KAT2A: variants seen among roughly 807,000 people sequenced by gnomAD.
KAT2A encodes lysine acetyltransferase 2A.
KAT2A carries 42 observed loss-of-function variants against 95.2 expected under a neutral mutation model. The observed-to-expected ratio is 0.44, with a 90% CI of 0.34 to 0.57. The LOEUF is 0.57. KAT2A is among the 20% of genes least tolerant of loss of function. KAT2A has a pLI of 0.01. For missense variants in KAT2A, 784 were observed against 1,126.3 expected (o/e 0.70, Z 4.35); for synonymous variants, 449 against 448.2 (o/e 1.00, Z -0.02).
chr17:42,114,937 G>C lies in KAT2A; in HGVS notation c.1974C>G (p.Arg658=). 1 of 1,614,058 alleles carries C rather than the reference G, an allele frequency of 6.2e-7. No individual in the cohort carries two copies. Among genetic ancestry groups the C allele is most frequent in the Non-Finnish European group, 8.5e-7 (1 of 1,179,948 alleles). The stretch of plus-strand genomic sequence containing the variant: ...TGTGGGACAGCTCCGTGTAGGGGAT[G>C]CGGGGATTCAGCTCACACTCCATCA... The part of the protein sequence containing the change: ...ATLMECELNP[R]IPYTELSHII... The change falls in exon 13 of 18, where the codon CGC becomes CGG. Residue 658 remains arginine (R), a synonymous_variant. Coordinates refer to ENST00000225916, the MANE Select transcript of KAT2A (RefSeq NM_021078.3). The surrounding 1 kb of genome is among the most constrained non-coding windows in gnomAD (Gnocchi z 6.0).
chr17:42,120,563 C>G lies in KAT2A; in HGVS notation c.463+143G>C, dbSNP rs146483436. The G allele has an allele frequency of 7.1e-3, 8,970 of 1,256,560 alleles. 101 individuals carry two copies. Among genetic ancestry groups the G allele is most frequent in the Middle Eastern group, 0.032 (155 of 4,844 alleles). The allele number at this position is 1,256,560 out of a possible 1,614,324, so 77.8% of individuals were successfully genotyped here. A position where few individuals can be genotyped will look rare whatever the true frequency, so the allele number is the denominator to read the frequency against. On this transcript the variant is annotated intron_variant, in intron 2 of 17. Coordinates refer to ENST00000225916, the MANE Select transcript of KAT2A (RefSeq NM_021078.3). ...GGGCTGAGAGATTTCCTTTCTCCCC[C>G]CTTGGTGCACACCCCCCCCCAACCC...
In KAT2A at chr17:42,117,298, A is replaced by T. The variant is rs567051187; in HGVS notation, c.1637+90T>A. On this transcript the variant is annotated intron_variant, in intron 10 of 17. Coordinates refer to ENST00000225916, the MANE Select transcript of KAT2A (RefSeq NM_021078.3). This position sits in a 1 kb window ranked among gnomAD's most constrained non-coding sequence, Gnocchi z 8.9. ...AGGATGAACCTCAGAAGTGGGGAGC[A>T]GGGGATCCCCAATTTTGAGGAGTGA... is the stretch of plus-strand genomic sequence containing the variant. The T allele has an allele frequency of 2.0e-6, 3 of 1,523,880 alleles. No homozygotes were observed. The East Asian group carries it at 6.8e-5, about 34-fold the overall frequency. 94.4% of individuals were successfully genotyped at this position (1,523,880 alleles called of 1,614,324 possible).
intron 6 of KAT2A, among the ~76,000 whole-genome samples, chr17:42,118,892 C>T (rs1442699935): frequency 2.6e-5 from 4 of 152,194 alleles, no homozygotes; most frequent in East Asian, 3.8e-4. Context: ...AAGACCAGAA[C>T]AGGAGTAGAA....
In KAT2A at chr17:42,117,880, G is replaced by T; in HGVS notation, c.1291+27C>A. ...AAGGTTTGGGAAGGAGTGAATGAGG[G>T]TCAGAGGTCAGGGGTCAAGTATCCA... On this transcript the variant is annotated intron_variant, in intron 8 of 17. Coordinates refer to ENST00000225916, the MANE Select transcript of KAT2A (RefSeq NM_021078.3). This position sits in a 1 kb window ranked among gnomAD's most constrained non-coding sequence, Gnocchi z 8.9. 6.2e-7 allele frequency: 1 copy of T among 1,601,736 alleles called. No homozygotes were observed. The highest frequency in any genetic ancestry group is 8.5e-7 in the Non-Finnish European group (1 of 1,171,342).
At chr17:42,116,993 G>A (rs374446311) in intron 11 of KAT2A, 42 bp downstream of exon 11, 5 of 1,610,160 alleles carry the variant, frequency 3.1e-6, no homozygotes, top group South Asian at 1.1e-5. Flanking sequence ...AAACTCAGGA[G>A]TGGGCCGTGG....
rs781796429 is a variant in KAT2A at position 42,119,389 on chromosome 17, C to T, written c.929G>A (p.Arg310His). 16 of 1,613,638 alleles carry T rather than the reference C, an allele frequency of 9.9e-6. No individual in the cohort carries two copies. The highest frequency in any genetic ancestry group is 3.3e-5 in the Admixed American group (2 of 59,954). The change falls in exon 6 of 18, where the codon CGC becomes CAC. Residue 310 changes from arginine to histidine, a missense_variant. Arg to His is a conservative substitution (Grantham distance 29, BLOSUM62 0). Coordinates refer to ENST00000225916, the MANE Select transcript of KAT2A (RefSeq NM_021078.3). This position sits in a 1 kb window ranked among gnomAD's most constrained non-coding sequence, Gnocchi z 5.3. The part of the protein sequence containing the change: ...HVPQSCDSLP[R>H]YETTHVFGRS... ...CCCAAAGACATGAGTGGTTTCGTAGCGGGGGAGGCTATCACAGCTCTGGGG... is the reference window on the plus strand; with the variant it reads ...CCCAAAGACATGAGTGGTTTCGTAGTGGGGGAGGCTATCACAGCTCTGGGG...
chr17:42,118,545 T>G, intron 6 of KAT2A, 142 bp from the exon 7 acceptor site: 1 of 629,878 alleles, frequency 1.6e-6, no homozygotes. Flanking sequence ...AGCCCCTGTC[T>G]TCTGGGAGCC....
At position 42,121,311 on chromosome 17, in the gene KAT2A, C is replaced by G; in HGVS notation, c.-7G>C. 2 of 1,367,304 alleles carry G rather than the reference C, an allele frequency of 1.5e-6. No homozygotes were observed. The highest frequency in any genetic ancestry group is 1.9e-6 in the Non-Finnish European group (2 of 1,067,964). 84.7% of individuals were successfully genotyped at this position (1,367,304 alleles called of 1,614,324 possible). A position where few individuals can be genotyped will look rare whatever the true frequency, so the allele number is the denominator to read the frequency against. On this transcript the variant is annotated 5_prime_UTR_variant, in exon 1 of 18. Transcript: ENST00000225916. ...CCTGGGAAGGTTCCGCCATGGCCTC[C>G]CCCGCAGCGGAGAGCGGCGCCGCGC...
chr17:42,114,602 G>C lies in KAT2A; in HGVS notation c.2022C>G (p.Ile674Met). 1 of 1,612,916 alleles carries C rather than the reference G, an allele frequency of 6.2e-7. No homozygotes were observed. The highest frequency in any genetic ancestry group is 8.5e-7 in the Non-Finnish European group (1 of 1,179,508). Residue 674 changes from isoleucine (I) to methionine (M), a missense_variant and splice_region_variant, in exon 14 of 18, where the codon ATC (isoleucine) becomes ATG (methionine). Physicochemically the swap from Ile to Met is conservative, Grantham distance 10 (BLOSUM62 1). Coordinates refer to ENST00000225916, the MANE Select transcript of KAT2A (RefSeq NM_021078.3). This position sits in a 1 kb window ranked among gnomAD's most constrained non-coding sequence, Gnocchi z 6.0. Reference protein sequence around the residue: ...LSHIIKKQKEIIKKLIERKQA... With the variant: ...LSHIIKKQKEMIKKLIERKQA... ...GTTTGCGCTCAATCAGCTTCTTGAT[G>C]ATCTGAGGGAAGGAAGGGACTGAGG...
chr17:42,113,893 A>C (rs1555665300), intron 17 of KAT2A, 51 bp from the exon 18 acceptor site: 2 of 1,508,276 alleles, frequency 1.3e-6, no homozygotes, highest in Admixed American at 2.5e-5. Flanking sequence ...AGACCACGGC[A>C]GGGCTGTCCA....
At position 42,121,059 on chromosome 17, in the gene KAT2A, G is replaced by A. The variant is rs1555667222; in HGVS notation, c.246C>T (p.Ser82=). The A allele has an allele frequency of 6.3e-7, 1 of 1,580,428 alleles. No individual in the cohort carries two copies. The highest frequency in any genetic ancestry group is 8.6e-7 in the Non-Finnish European group (1 of 1,165,710). Residue 82 remains serine, a synonymous_variant, in exon 1 of 18, where the codon AGC becomes AGT. Coordinates refer to ENST00000225916, the MANE Select transcript of KAT2A (RefSeq NM_021078.3). ...SGGDPARPGL[S]QQQRASQRKA... ...TCCTCTGACTGGCGCGCTGCTGCTG[G>A]CTCAGGCCAGGTCGAGCCGGATCCC... is the stretch of plus-strand genomic sequence containing the variant.
chr17:42,117,480 C>T lies in KAT2A; in HGVS notation c.1545G>A (p.Arg515=). The change falls in exon 10 of 18, where the codon CGG becomes CGA. Residue 515 remains arginine (R), a synonymous_variant. Transcript: ENST00000225916. The surrounding 1 kb of genome is among the most constrained non-coding windows in gnomAD (Gnocchi z 8.9). ...GCAGCCCCACGAGCCACAGCAACACCCGCCGGTTGGCCTTGGGCGTCAGTG... is the reference window on the plus strand; with the variant it reads ...GCAGCCCCACGAGCCACAGCAACACTCGCCGGTTGGCCTTGGGCGTCAGTG... The part of the protein sequence containing the change: ...GNSLTPKANR[R]VLLWLVGLQN... The T allele has an allele frequency of 6.2e-7, 1 of 1,613,740 alleles. No homozygotes were observed. The highest frequency in any genetic ancestry group is 1.1e-5 in the South Asian group (1 of 91,086).
At position 42,120,735 on chromosome 17, in the gene KAT2A, T is replaced by C; in HGVS notation, c.434A>G (p.Glu145Gly). 6.2e-7 allele frequency: 1 copy of C among 1,614,084 alleles called. No individual in the cohort carries two copies. The change falls in exon 2 of 18, where the codon GAG becomes GGG. Residue 145 changes from glutamate (E) to glycine (G), a missense_variant. Around this residue, in one of 6 missense-constraint regions of KAT2A, gnomAD observed 208 missense variants for 339.7 expected, o/e 0.61. Transcript: ENST00000225916. ...GGGGTGCTCACAACTGCGGCACAGC[T>C]CACTCAGGTTGGCAGCTGGCTGCTG... ...DLQQPAANLSELCRSCEHPLA... is the reference protein window; with the variant it reads ...DLQQPAANLSGLCRSCEHPLA...
rs2054228731 is a variant in KAT2A at position 42,114,661 on chromosome 17, G to C, written c.2020-57C>G. The C allele has an allele frequency of 6.7e-7, 1 of 1,496,218 alleles. No homozygotes were observed. Among genetic ancestry groups the C allele is most frequent in the African/African-American group, 1.4e-5 (1 of 72,582 alleles). The allele number at this position is 1,496,218 out of a possible 1,614,324, so 92.7% of individuals were successfully genotyped here. On this transcript the variant is annotated intron_variant, in intron 13 of 17. Transcript: ENST00000225916. This position sits in a 1 kb window ranked among gnomAD's most constrained non-coding sequence, Gnocchi z 6.0. ...CCAGCCCCAACAACAACCCCTCCCA[G>C]GGCCACAGTCGGAGCCACTGGCTGC...
rs782067301 is a variant in KAT2A, at chr17:42,117,928, C to T, written c.1270G>A (p.Ala424Thr). 6.2e-7 allele frequency: 1 copy of T among 1,605,884 alleles called. No homozygotes were observed. The highest frequency in any genetic ancestry group is 8.5e-7 in the Non-Finnish European group (1 of 1,174,862). Reference protein sequence around the residue: ...GSNSSLSLDSAGAEPMPGEKR... With the variant: ...GSNSSLSLDSTGAEPMPGEKR... Reference sequence around the variant, plus strand: ...CCACCTGGCATAGGCTCGGCCCCTGCAGAATCCAGACTCAGGGAGCTGTTG... The same window carrying T: ...CCACCTGGCATAGGCTCGGCCCCTGTAGAATCCAGACTCAGGGAGCTGTTG... Residue 424 changes from alanine (A) to threonine (T), a missense_variant, in exon 8 of 18, where the codon GCA becomes ACA. This residue lies in a region of KAT2A where 174 missense variants were observed against 324.9 expected (regional missense o/e 0.54). Coordinates refer to ENST00000225916, the MANE Select transcript of KAT2A (RefSeq NM_021078.3). The surrounding 1 kb of genome is among the most constrained non-coding windows in gnomAD (Gnocchi z 8.9).
At chr17:42,115,176 GTT>G in intron 12 of KAT2A, 141 bp from the exon 13 acceptor site, 1 of 864,242 alleles carries the variant, frequency 1.2e-6, no homozygotes, top group East Asian at 2.5e-5. Flanking sequence ...CACTGTGAGG[GTT>G]CAAACTGTCC....
Position 42,120,975 on chromosome 17 carries a change from C to T in KAT2A, c.330G>A (p.Ser110=), listed in dbSNP as rs1555667191. 2 of 1,584,420 alleles carry T rather than the reference C, an allele frequency of 1.3e-6. No homozygotes were observed. Among genetic ancestry groups the T allele is most frequent in the Non-Finnish European group, 1.7e-6 (2 of 1,166,514 alleles). The change falls in exon 1 of 18, where the codon TCG becomes TCA. Residue 110 remains serine, a synonymous_variant. Transcript: ENST00000225916. ...AKKLEKLGVF[S]ACKANETCKC... ...CAGGCCCCGCCCCCACCTTGCAAGCCGAGAAGACCCCTAGCTTCTCAAGCT... is the reference window on the plus strand; with the variant it reads ...CAGGCCCCGCCCCCACCTTGCAAGCTGAGAAGACCCCTAGCTTCTCAAGCT...
At position 42,119,280 on chromosome 17, in the gene KAT2A, G is replaced by A. The variant is rs369861907; in HGVS notation, c.1038C>T (p.Pro346=). Residue 346 remains proline (P), a synonymous_variant, in exon 6 of 18, where the codon CCC becomes CCT. Coordinates refer to ENST00000225916, the MANE Select transcript of KAT2A (RefSeq NM_021078.3). This position sits in a 1 kb window ranked among gnomAD's most constrained non-coding sequence, Gnocchi z 5.3. The part of the protein sequence containing the change: ...KFRVEKDKLV[P]EKRTLILTHF... ...GAGTGAGGATGAGGGTCCTCTTCTC[G>A]GGCACCAATTTGTCCTTCTCCACTC... is the stretch of plus-strand genomic sequence containing the variant. The A allele has an allele frequency of 5.9e-5, 95 of 1,613,436 alleles. No individual in the cohort carries two copies. The highest frequency in any genetic ancestry group is 2.3e-4 in the South Asian group (21 of 91,014).
At chr17:42,118,259 C>A in intron 7 of KAT2A, 38 bp downstream of exon 7, 1 of 1,476,924 alleles carries the variant, frequency 6.8e-7, no homozygotes, top group Non-Finnish European at 9.5e-7. Flanking sequence ...CTCAGCCAGG[C>A]AGGCCAGACA....
Sources: allele counts gnomAD v4.1 joint callset (sites outside exome capture counted in the v4.1 genomes callset), GRCh38; gene constraint gnomAD v4.1.1; regional missense constraint gnomAD v4.1.1; non-coding constraint Gnocchi (gnomAD v3.1); transcripts MANE v1.5; gene names NCBI Gene and HGNC (gene_info 2026-07-23, HGNC 2026-07-21).